Variants in PTK7 observed in about 807,000 individuals in gnomAD.
The protein encoded by PTK7 is protein tyrosine kinase 7 (inactive), also known as inactive tyrosine-protein kinase 7.
In PTK7, 39 loss-of-function variants were observed where a neutral mutation model predicts 116.6. The ratio of observed to expected loss-of-function variants is 0.33; its 90% CI spans 0.26 to 0.44. PTK7 has a LOEUF of 0.44. PTK7 is among the 20% of genes least tolerant of loss of function. PTK7 has a pLI of 1.00. For synonymous variants in PTK7, 546 were observed against 563.6 expected, an observed-to-expected ratio of 0.97 and a Z score of 0.44; for missense variants, 1,169 against 1,425.6, an observed-to-expected ratio of 0.82 and a Z score of 2.90.
chr6:43,118,748 T>G (rs1343112836), intron 1 of PTK7, among the ~76,000 whole-genome samples: 1 of 123,344 alleles, frequency 8.1e-6, no homozygotes, highest in Non-Finnish European at 1.6e-5. Flanking sequence ...TATGTGTGTG[T>G]ATGTGTGTGT....
chr6:43,098,661 A>G (rs1767388372), intron 1 of PTK7, among the ~76,000 whole-genome samples: 1 of 152,298 alleles, frequency 6.6e-6, no homozygotes, highest in South Asian at 2.1e-4. Context: ...CTGCCAAGTC[A>G]AGATTTTTTA....
intron 1 of PTK7, among the ~76,000 whole-genome samples, chr6:43,108,937 G>C (rs1477655220): frequency 6.6e-6 from 1 of 152,058 alleles, no homozygotes; most frequent in East Asian, 1.9e-4. Flanking sequence ...TTAACTGTTT[G>C]GTTACCCACA....
At chr6:43,123,777 T>G (rs1269862734) in intron 1 of PTK7, among the ~76,000 whole-genome samples, 1 of 152,200 alleles carries the variant, frequency 6.6e-6, no homozygotes, top group Non-Finnish European at 1.5e-5. Flanking sequence ...TGCCTGTTGT[T>G]GCTGAGGGCT....
Position 43,076,724 on chromosome 6 carries a change from G to A in PTK7, c.79+157G>A, listed in dbSNP as rs1766035773. 2.9e-6 allele frequency: 4 copies of A among 1,377,646 alleles called. No individual in the cohort carries two copies. Among genetic ancestry groups the A allele is most frequent in the Middle Eastern group, 4.6e-4 (2 of 4,316 alleles). The allele number at this position is 1,377,646 out of a possible 1,614,324, so 85.3% of individuals were successfully genotyped here. A position where few individuals can be genotyped will look rare whatever the true frequency, so the allele number is the denominator to read the frequency against. On this transcript the variant is annotated intron_variant, in intron 1 of 19. Transcript: ENST00000230419. The surrounding 1 kb of genome is among the most constrained non-coding windows in gnomAD (Gnocchi z 5.7). ...CAGGCTTGCGGCGGAAGGGCGCAAGGAGCCCGGGTGTCGGGAGGCTGGCGA... is the reference window on the plus strand; with the variant it reads ...CAGGCTTGCGGCGGAAGGGCGCAAGAAGCCCGGGTGTCGGGAGGCTGGCGA...
chr6:43,132,616 C>T lies in PTK7; in HGVS notation c.1157C>T (p.Ala386Val). 1 of 1,606,416 alleles carries T rather than the reference C, an allele frequency of 6.2e-7. No individual in the cohort carries two copies. The change falls in exon 7 of 20, where the codon GCT (alanine) becomes GTT (valine). Residue 386 changes from alanine to valine, a missense_variant. Ala to Val is a moderately conservative substitution (Grantham distance 64). This residue lies in a region of PTK7 where 487 missense variants were observed against 549.8 expected (regional missense o/e 0.89). Coordinates refer to ENST00000230419, the MANE Select transcript of PTK7 (RefSeq NM_002821.5). ...LVLANIAESD[A>V]GVYTCHAANL... ...TTGGCCAATATTGCTGAAAGTGATG[C>T]TGGTGTCTACACCTGCCACGCGGCC... is the stretch of plus-strand genomic sequence containing the variant.
chr6:43,092,463 G>A (rs558082027), intron 1 of PTK7, among the ~76,000 whole-genome samples: 265 of 152,288 alleles, frequency 1.7e-3, no homozygotes, highest in Non-Finnish European at 2.9e-3. Flanking sequence ...AGTGCCTAAT[G>A]TATAAATGAA....
intron 1 of PTK7, among the ~76,000 whole-genome samples, chr6:43,101,562 A>AG (rs1767584923): frequency 6.6e-6 from 1 of 151,798 alleles, no homozygotes; most frequent in Non-Finnish European, 1.5e-5. Flanking sequence ...AAAAAAAAAA[A>AG]TAAAAAAAAA....
chr6:43,078,568 C>T (rs1224899082), intron 1 of PTK7, among the ~76,000 whole-genome samples: 2 of 152,116 alleles, frequency 1.3e-5, no homozygotes, highest in African/African-American at 4.8e-5. Context: ...ATGTTTGCAT[C>T]TCATTGTTTA....
At chr6:43,103,413 A>G (rs1029825866) in intron 1 of PTK7, among the ~76,000 whole-genome samples, 4 of 152,152 alleles carry the variant, frequency 2.6e-5, no homozygotes, top group Non-Finnish European at 4.4e-5. Flanking sequence ...TCCTTGAGTT[A>G]GGCAGACTTA....
At chr6:43,100,038 T>C (rs1258612303) in intron 1 of PTK7, among the ~76,000 whole-genome samples, 1 of 152,038 alleles carries the variant, frequency 6.6e-6, no homozygotes, top group African/African-American at 2.4e-5. Flanking sequence ...TAGTAGAGAT[T>C]TAGGGATTAC....
At chr6:43,122,277 A>C (rs1769007690) in intron 1 of PTK7, among the ~76,000 whole-genome samples, 1 of 152,158 alleles carries the variant, frequency 6.6e-6, no homozygotes, top group African/African-American at 2.4e-5. Context: ...TAGGTAGGCT[A>C]TTCAGGGGTT....
intron 7 of PTK7, among the ~76,000 whole-genome samples, chr6:43,136,628 C>T (rs1770058759): frequency 6.6e-6 from 1 of 152,072 alleles, no homozygotes; most frequent in African/African-American, 2.4e-5. Flanking sequence ...TCCGAGAGGG[C>T]AAAAGTGGAA....
chr6:43,083,051 G>A (rs181144020), intron 1 of PTK7, among the ~76,000 whole-genome samples: 3 of 152,334 alleles, frequency 2.0e-5, no homozygotes, highest in East Asian at 1.9e-4. Context: ...TGTGAGACTC[G>A]TCTGGGATAG....
At chr6:43,136,985 C>T (rs1188381700) in intron 7 of PTK7, among the ~76,000 whole-genome samples, 2 of 152,186 alleles carry the variant, frequency 1.3e-5, no homozygotes, top group East Asian at 3.8e-4. Flanking sequence ...GCCTAGGTAA[C>T]AGGATGAGAC....
intron 1 of PTK7, among the ~76,000 whole-genome samples, chr6:43,094,871 C>G (rs1767153716): frequency 6.6e-6 from 1 of 151,530 alleles, no homozygotes. Flanking sequence ...ATGGTGAAAC[C>G]CTGTCTCTAC....
At chr6:43,132,238 C>G (rs1277162015) in intron 6 of PTK7, 74 bp downstream of exon 6, 18 of 1,532,820 alleles carry the variant, frequency 1.2e-5, no homozygotes, top group Middle Eastern at 1.8e-4. Flanking sequence ...ATTTAGGCTT[C>G]TGTTTTTACT....
intron 17 of PTK7, among the ~76,000 whole-genome samples, chr6:43,154,970 C>A (rs1405813059): frequency 6.6e-6 from 1 of 152,194 alleles, no homozygotes; most frequent in African/African-American, 2.4e-5. Context: ...AAGGCTGGGC[C>A]CTGCCTCACA....
At chr6:43,118,044 A>G (rs7774481) in intron 1 of PTK7, among the ~76,000 whole-genome samples, 19,419 of 151,172 alleles carry the variant, frequency 0.13, 2,091 homozygotes, top group East Asian at 0.31. Flanking sequence ...CACAGGATCT[A>G]GCAAGAAGTG....
intron 14 of PTK7, 59 bp from the exon 15 acceptor site, chr6:43,144,392 C>A: frequency 6.2e-7 from 1 of 1,603,946 alleles, no homozygotes; most frequent in Non-Finnish European, 8.5e-7. Context: ...GAACAGAAAT[C>A]CCCATGGTGG....
Sources: gnomAD v4.1 joint callset for allele counts (sites outside exome capture counted in the v4.1 genomes callset) on GRCh38, gnomAD v4.1.1 for gene constraint, gnomAD v4.1.1 regional missense constraint, Gnocchi (gnomAD v3.1) non-coding constraint, MANE v1.5 for transcripts, NCBI Gene and HGNC (gene_info 2026-07-23, HGNC 2026-07-21) for gene names.